Variants in TM4SF18 observed in about 807,000 individuals in gnomAD.
TM4SF18 encodes the protein transmembrane 4 L six family member 18.
A neutral mutation model predicts 23.8 loss-of-function variants in TM4SF18; 22 were observed. The ratio of observed to expected loss-of-function variants is 0.92; its 90% CI spans 0.66 to 1.32. TM4SF18 has a LOEUF of 1.32. TM4SF18 is among the 40% of genes most tolerant of loss of function. The pLI is 0.00. For synonymous variants in TM4SF18, 87 were observed against 87.9 expected (o/e 0.99, Z 0.06); for missense variants, 255 against 240.3 (o/e 1.06, Z -0.41).
chr3:149,322,308 A>G lies in TM4SF18; in HGVS notation c.539T>C (p.Val180Ala), dbSNP rs1476580876. The change falls in exon 5 of 6, where the codon GTA becomes GCA. Residue 180 changes from valine (V) to alanine (A), a missense_variant. Transcript: ENST00000296059. Reference protein sequence around the residue: ...GLQVIICLIRVVMQLSKILCG... With the variant: ...GLQVIICLIRAVMQLSKILCG... ...CAGTATCTTGGATAGTTGCATGACT[A>G]CTCTGATGAGGCAGATGATCACTTG... 6.2e-7 allele frequency: 1 copy of G among 1,613,992 alleles called. No individual in the cohort carries two copies. The highest frequency in any genetic ancestry group is 1.1e-5 in the South Asian group (1 of 91,072).
At chr3:149,327,264 A>G (rs2082598945) in intron 3 of TM4SF18, among the ~76,000 whole-genome samples, 1 of 152,154 alleles carries the variant, frequency 6.6e-6, no homozygotes, top group Admixed American at 6.5e-5. Flanking sequence ...ACTATTTTTT[A>G]AACAAGTCTT....
chr3:149,321,512 A>ATATTTTACCATATTTGTTTGTG lies in TM4SF18; in HGVS notation c.592-21_592-20insCACAAACAAATATGGTAAAATA. On this transcript the variant is annotated intron_variant, in intron 5 of 5. Transcript: ENST00000296059. The stretch of plus-strand genomic sequence containing the variant: ...TCCAGGCTATAGGAAAAAAGGAAAA[A>ATATTTTACCATATTTGTTTGTG]CAAAGTGATTAAAGTTATAAACTTG... 6.4e-7 allele frequency: 1 copy of ATATTTTACCATATTTGTTTGTG among 1,561,358 alleles called. No homozygotes were observed. The highest frequency in any genetic ancestry group is 8.7e-7 in the Non-Finnish European group (1 of 1,144,806).
chr3:149,319,686 T>G lies in TM4SF18; in HGVS notation c.*1792A>C, dbSNP rs1057173885. On this transcript the variant is annotated 3_prime_UTR_variant, in exon 6 of 6. Coordinates refer to ENST00000296059, the MANE Select transcript of TM4SF18 (RefSeq NM_138786.4). ...GGGCAAAGGCAGTTTTAGGAGCTTT[T>G]GGAGTAGAAGTTCATGTATCTTCCT... The G allele has an allele frequency of 3.3e-5, 5 of 152,372 alleles. No individual in the cohort carries two copies. The highest frequency in any genetic ancestry group is 1.2e-4 in the African/African-American group (5 of 41,580). 9.4% of individuals were successfully genotyped at this position (152,372 alleles called of 1,614,324 possible).
At position 149,320,905 on chromosome 3, in the gene TM4SF18, G is replaced by C. The variant is rs1055807017; in HGVS notation, c.*573C>G. The C allele has an allele frequency of 6.6e-6, 1 of 152,026 alleles. No homozygotes were observed. The highest frequency in any genetic ancestry group is 2.4e-5 in the African/African-American group (1 of 41,400). 9.4% of individuals were successfully genotyped at this position (152,026 alleles called of 1,614,324 possible). On this transcript the variant is annotated 3_prime_UTR_variant, in exon 6 of 6. Coordinates refer to ENST00000296059, the MANE Select transcript of TM4SF18 (RefSeq NM_138786.4). ...AGATTTAGTTTTCATCCTAAACTTT[G>C]ACTATTAGTGTTTCATTTGCTTTAA...
At chr3:149,333,153 A>G in intron 2 of TM4SF18, 53 bp downstream of exon 2, 1 of 1,467,350 alleles carries the variant, frequency 6.8e-7, no homozygotes, top group Non-Finnish European at 9.4e-7. Flanking sequence ...GTTACAAGGT[A>G]AGTCTCAATT....
chr3:149,324,813 G>A (rs1730896759), intron 4 of TM4SF18, 67 bp downstream of exon 4: 10 of 1,597,062 alleles, frequency 6.3e-6, no homozygotes, highest in Non-Finnish European at 8.6e-6. Flanking sequence ...AAATGAGCGT[G>A]AGCTTGAGCA....
At chr3:149,331,885 T>C (rs1731093626) in intron 2 of TM4SF18, among the ~76,000 whole-genome samples, 3 of 152,244 alleles carry the variant, frequency 2.0e-5, no homozygotes, top group Admixed American at 2.0e-4. Flanking sequence ...TTCATAATTA[T>C]AATTTTCACC....
chr3:149,325,072 A>T (rs760501676), intron 3 of TM4SF18, 50 bp from the exon 4 acceptor site: 1 of 1,571,298 alleles, frequency 6.4e-7, no homozygotes, highest in African/African-American at 1.4e-5. Flanking sequence ...CGACAAGGGG[A>T]TATTGTGGAT....
At chr3:149,325,308 T>C (rs1057338817) in intron 3 of TM4SF18, among the ~76,000 whole-genome samples, 3 of 152,232 alleles carry the variant, frequency 2.0e-5, no homozygotes, top group Admixed American at 6.5e-5. Flanking sequence ...TCTCCTCTTA[T>C]GAAAATGCAG....
chr3:149,322,224 A>G (rs1270553513), intron 5 of TM4SF18, 32 bp downstream of exon 5: 1 of 1,559,568 alleles, frequency 6.4e-7, no homozygotes, highest in Non-Finnish European at 8.7e-7. Context: ...GGAAATATGG[A>G]TGAGCTACAG....
intron 3 of TM4SF18, among the ~76,000 whole-genome samples, chr3:149,329,367 C>G (rs1731035601): frequency 6.6e-6 from 1 of 152,144 alleles, no homozygotes; most frequent in Admixed American, 6.5e-5. Flanking sequence ...GGTTGTACCT[C>G]AGACTAACTA....
At chr3:149,333,047 G>C (rs1493263) in intron 2 of TM4SF18, among the ~76,000 whole-genome samples, 159 bp downstream of exon 2, 136,209 of 152,212 alleles carry the variant, frequency 0.89, 61,197 homozygotes, top group African/African-American at 0.97. Context: ...TGTCCCAAAT[G>C]CCAGCAGATT....
At chr3:149,333,482 C>CTCATTTTT in intron 1 of TM4SF18, 31 bp downstream of exon 1, 1 of 235,256 alleles carries the variant, frequency 4.3e-6, no homozygotes, top group Non-Finnish European at 6.8e-6. Flanking sequence ...CTCTCTCTCT[C>CTCATTTTT]TTTTTTTTTT....
At chr3:149,332,278 A>G (rs761058634) in intron 2 of TM4SF18, among the ~76,000 whole-genome samples, 1 of 152,184 alleles carries the variant, frequency 6.6e-6, no homozygotes, top group Non-Finnish European at 1.5e-5. Flanking sequence ...ATTCAAATAT[A>G]ATAATTAAAA....
intron 5 of TM4SF18, 47 bp from the exon 6 acceptor site, chr3:149,321,539 C>T (rs1244199434): frequency 6.6e-6 from 9 of 1,360,974 alleles, no homozygotes; most frequent in Non-Finnish European, 8.2e-6. Context: ...ATAAACTTGG[C>T]TTGATTAGTA....
At chr3:149,322,091 T>G (rs1730819457) in intron 5 of TM4SF18, among the ~76,000 whole-genome samples, 165 bp downstream of exon 5, 2 of 152,042 alleles carry the variant, frequency 1.3e-5, no homozygotes, top group South Asian at 2.1e-4. Context: ...CCAAGACACA[T>G]TGGGATATCA....
intron 3 of TM4SF18, among the ~76,000 whole-genome samples, chr3:149,328,212 A>G (rs1274073333): frequency 6.6e-6 from 1 of 152,174 alleles, no homozygotes; most frequent in Non-Finnish European, 1.5e-5. Flanking sequence ...TGGAGGCTGG[A>G]AAGTCCAAGA....
rs559660859 is a variant in TM4SF18, at chr3:149,325,154, A to G, written c.268-132T>C. On this transcript the variant is annotated intron_variant, in intron 3 of 5. Coordinates refer to ENST00000296059, the MANE Select transcript of TM4SF18 (RefSeq NM_138786.4). ...TCTATACAATACTAAATGCCCACATAGAAATAAAAAAAAAAGTAATCCAAA... is the reference window on the plus strand; with the variant it reads ...TCTATACAATACTAAATGCCCACATGGAAATAAAAAAAAAAGTAATCCAAA... 9.8e-4 allele frequency: 714 copies of G among 731,456 alleles called. 4 individuals carry two copies. The highest frequency in any genetic ancestry group is 3.5e-3 in the Middle Eastern group (8 of 2,270). The allele number at this position is 731,456 out of a possible 1,614,324, so 45.3% of individuals were successfully genotyped here.
chr3:149,333,366 C>A lies in TM4SF18; in HGVS notation c.17G>T (p.Cys6Phe). ...CAGCAAACAACTTAGGCAGCCTCCA[C>A]ACTTCCGAGACCCCATTTTGCCCTG... is the stretch of plus-strand genomic sequence containing the variant. Reference protein sequence around the residue: MGSRKCGGCLSCLLIP... With the variant: MGSRKFGGCLSCLLIP... The change falls in exon 2 of 6, where the codon TGT (cysteine) becomes TTT (phenylalanine). Residue 6 changes from cysteine (C) to phenylalanine (F), a missense_variant. Coordinates refer to ENST00000296059, the MANE Select transcript of TM4SF18 (RefSeq NM_138786.4). 6.2e-7 allele frequency: 1 copy of A among 1,612,596 alleles called. No homozygotes were observed. The highest frequency in any genetic ancestry group is 8.5e-7 in the Non-Finnish European group (1 of 1,179,278).
Sources: gnomAD v4.1 joint callset for allele counts (sites outside exome capture counted in the v4.1 genomes callset) on GRCh38, gnomAD v4.1.1 for gene constraint, MANE v1.5 for transcripts, NCBI Gene and HGNC (gene_info 2026-07-23, HGNC 2026-07-21) for gene names.